Variants in SARNP observed in about 807,000 individuals in gnomAD.
The protein encoded by SARNP is SAP domain containing ribonucleoprotein.
In SARNP, 5 loss-of-function variants were observed where a neutral mutation model predicts 38.1. The ratio of observed to expected loss-of-function variants is 0.13; its 90% CI spans 0.07 to 0.28. The LOEUF is 0.28. Ranked by LOEUF, SARNP falls within the 10% of genes least tolerant of loss-of-function variation. SARNP has a pLI of 1.00. For synonymous variants in SARNP, 84 were observed against 80.6 expected, an observed-to-expected ratio of 1.04 and a Z score of -0.23; for missense variants, 180 against 243.9, an observed-to-expected ratio of 0.74 and a Z score of 1.75.
At chr12:55,811,596 CAAA>C (rs1390933753) in intron 1 of SARNP, among the ~76,000 whole-genome samples, 63 of 152,142 alleles carry the variant, frequency 4.1e-4, no homozygotes, top group Middle Eastern at 3.4e-3. Flanking sequence ...AACAAACAAA[CAAA>C]CAAACAAACC....
intron 2 of SARNP, among the ~76,000 whole-genome samples, chr12:55,801,502 A>G (rs1398230077): frequency 6.6e-6 from 1 of 152,202 alleles, no homozygotes; most frequent in Non-Finnish European, 1.5e-5. Context: ...GTGGGGAAAG[A>G]TTTGTTTAAA....
At chr12:55,799,385 T>A (rs904882859) in intron 4 of SARNP, among the ~76,000 whole-genome samples, 9 of 152,152 alleles carry the variant, frequency 5.9e-5, no homozygotes, top group Admixed American at 1.3e-4. Flanking sequence ...ATGTTTAGGA[T>A]CACCCTTGTG....
chr12:55,760,586 T>C lies in SARNP; in HGVS notation c.556A>G (p.Ser186Gly), dbSNP rs747240337. ...KRKERFGIVT[S>G]SAGTGTTEDT... ...TCTGTGGTTCCAGTTCCAGCTGAAC[T>C]TGTGACAATCCCAAATCGCTCCTTC... The change falls in exon 10 of 11, where the codon AGT becomes GGT. Residue 186 changes from serine to glycine, a missense_variant. Ser to Gly is a moderately conservative substitution (Grantham distance 56). Coordinates refer to ENST00000336133, the MANE Select transcript of SARNP (RefSeq NM_033082.4). 1.9e-6 allele frequency: 3 copies of C among 1,613,282 alleles called. No homozygotes were observed. The highest frequency in any genetic ancestry group is 1.3e-5 in the African/African-American group (1 of 74,926).
chr12:55,771,984 T>C (rs985094210), intron 9 of SARNP, among the ~76,000 whole-genome samples: 3 of 152,190 alleles, frequency 2.0e-5, no homozygotes, highest in Non-Finnish European at 4.4e-5. Flanking sequence ...AACTGATGGT[T>C]ATTCTCTCAG....
At chr12:55,766,299 A>G (rs1189138191) in intron 9 of SARNP, among the ~76,000 whole-genome samples, 2 of 152,106 alleles carry the variant, frequency 1.3e-5, no homozygotes, top group Non-Finnish European at 2.9e-5. Context: ...TATCAAATCT[A>G]TACTCCTAAA....
In SARNP at chr12:55,794,996, G is replaced by A. The variant is rs1331403203; in HGVS notation, c.304-116C>T. On this transcript the variant is annotated intron_variant, in intron 5 of 10. Transcript: ENST00000336133. ...AAAAAAAAAAAAAGAGTCTCACTCT[G>A]TCCCCCAGCCTGGAGTGCAGTGGCA... The A allele has an allele frequency of 8.5e-6, 5 of 586,918 alleles. No homozygotes were observed. In the East Asian group the frequency reaches 9.2e-5, roughly 11 times the overall value. 36.4% of individuals were successfully genotyped at this position (586,918 alleles called of 1,614,324 possible).
intron 9 of SARNP, among the ~76,000 whole-genome samples, chr12:55,763,683 G>A (rs1398206491): frequency 3.9e-5 from 6 of 152,042 alleles, no homozygotes; most frequent in East Asian, 1.9e-4. Context: ...GAACTCCTGG[G>A]CTCAATCAAT....
intron 9 of SARNP, among the ~76,000 whole-genome samples, chr12:55,780,883 CTG>C (rs1192586896): frequency 6.6e-6 from 1 of 152,138 alleles, no homozygotes; most frequent in Non-Finnish European, 1.5e-5. Context: ...AACTTATAAA[CTG>C]TTTGTTTCTG....
At chr12:55,813,230 C>T (rs1341496360) in intron 1 of SARNP, among the ~76,000 whole-genome samples, 5 of 152,154 alleles carry the variant, frequency 3.3e-5, no homozygotes, top group Non-Finnish European at 7.3e-5. Flanking sequence ...AGGCATGAGC[C>T]ACCGTGCCCG....
intron 1 of SARNP, among the ~76,000 whole-genome samples, chr12:55,805,017 A>C (rs1251304827): frequency 6.6e-6 from 1 of 152,188 alleles, no homozygotes; most frequent in African/African-American, 2.4e-5. Context: ...TAATCCCAGC[A>C]CTTTGGGAGG....
At chr12:55,757,965 G>A (rs1394522170) in intron 10 of SARNP, among the ~76,000 whole-genome samples, 1 of 152,192 alleles carries the variant, frequency 6.6e-6, no homozygotes, top group Non-Finnish European at 1.5e-5. Context: ...ATTAACCAAT[G>A]CTATTCATAG....
At chr12:55,756,639 C>T (rs1878512858), downstream of SARNP, 1 of 152,064 alleles carries the variant, frequency 6.6e-6, no homozygotes, top group Non-Finnish European at 1.5e-5. Flanking sequence ...ATAACATATC[C>T]AAAAAGATTA....
intron 9 of SARNP, among the ~76,000 whole-genome samples, chr12:55,782,577 TTTTC>T (rs1476440691): frequency 5.9e-5 from 9 of 152,120 alleles, no homozygotes; most frequent in Non-Finnish European, 8.8e-5. Context: ...TCTCCCACTC[TTTTC>T]TTTCTTTTTT....
chr12:55,773,739 T>G (rs1385490504), intron 9 of SARNP, among the ~76,000 whole-genome samples: 1 of 152,186 alleles, frequency 6.6e-6, no homozygotes, highest in East Asian at 1.9e-4. Context: ...AGACAGAGTT[T>G]TGCTCTTGTC....
At chr12:55,783,171 C>A (rs1879388661) in intron 9 of SARNP, among the ~76,000 whole-genome samples, 1 of 151,900 alleles carries the variant, frequency 6.6e-6, no homozygotes, top group African/African-American at 2.4e-5. Flanking sequence ...CGGCACTGAC[C>A]CAAACACTAC....
At chr12:55,800,684 C>T in intron 3 of SARNP, 55 bp from the exon 4 acceptor site, 1 of 1,450,414 alleles carries the variant, frequency 6.9e-7, no homozygotes. Flanking sequence ...AAATATCTAT[C>T]AAAAGAAGAA....
intron 9 of SARNP, among the ~76,000 whole-genome samples, chr12:55,765,436 C>G (rs1463431219): frequency 6.6e-6 from 1 of 152,144 alleles, no homozygotes; most frequent in Non-Finnish European, 1.5e-5. Flanking sequence ...TGTTGAATCC[C>G]TGGGCTCAAG....
chr12:55,788,274 C>T (rs1435103359), intron 9 of SARNP, among the ~76,000 whole-genome samples: 3 of 152,080 alleles, frequency 2.0e-5, no homozygotes, highest in Non-Finnish European at 2.9e-5. Flanking sequence ...ACAAAGTCAT[C>T]TTGCTTAATA....
chr12:55,757,668 G>A, intron 10 of SARNP, 115 bp from the exon 11 acceptor site: 3 of 678,874 alleles, frequency 4.4e-6, no homozygotes, highest in East Asian at 2.9e-5. Context: ...AAGGAAGGAT[G>A]GCCCAGACTT....
Sources: gnomAD v4.1 joint callset for allele counts (sites outside exome capture counted in the v4.1 genomes callset) on GRCh38, gnomAD v4.1.1 for gene constraint, MANE v1.5 for transcripts, NCBI Gene and HGNC (gene_info 2026-07-23, HGNC 2026-07-21) for gene names.